SF3B1: variants seen among roughly 807,000 people sequenced by gnomAD.
The protein encoded by SF3B1 is pre-mRNA processing 10.
SF3B1 carries 12 observed loss-of-function variants against 153.8 expected under a neutral mutation model. The observed-to-expected ratio is 0.08, with a 90% CI of 0.05 to 0.13. The LOEUF is 0.13. Among genes scored for constraint, SF3B1 ranks in the 10% least tolerant of loss-of-function variants. The pLI is 1.00. For missense variants in SF3B1, 513 were observed against 1,606.1 expected, an observed-to-expected ratio of 0.32 and a Z score of 11.63; for synonymous variants, 498 against 525.2, an observed-to-expected ratio of 0.95 and a Z score of 0.71.
intron 23 of SF3B1, among the ~76,000 whole-genome samples, chr2:197,395,206 A>G (rs1000044158): frequency 6.6e-6 from 1 of 152,188 alleles, no homozygotes; most frequent in Non-Finnish European, 1.5e-5. Flanking sequence ...ACTTCTCACT[A>G]AGGAATACAG....
At chr2:197,393,327 T>C (rs2084835409) in intron 23 of SF3B1, 139 bp from the exon 24 acceptor site, 8 of 644,678 alleles carry the variant, frequency 1.2e-5, no homozygotes, top group South Asian at 9.5e-5. Flanking sequence ...GTGCACTGAA[T>C]AGATGTGAAG....
chr2:197,398,157 G>A (rs1553563685), intron 21 of SF3B1, 41 bp from the exon 22 acceptor site: 1 of 1,528,858 alleles, frequency 6.5e-7, no homozygotes, highest in South Asian at 1.2e-5. Flanking sequence ...GTGACATTAA[G>A]AAAAGTTTTA....
rs532851354 is a variant in SF3B1, at chr2:197,395,155, G to A, written c.3539+901C>T. ...AGTACACAGAAAAAAGTTTTTAACTGCAGGTGACATACATTAATGACTGCA... is the reference window on the plus strand; with the variant it reads ...AGTACACAGAAAAAAGTTTTTAACTACAGGTGACATACATTAATGACTGCA... On this transcript the variant is annotated intron_variant, in intron 23 of 24. Coordinates refer to ENST00000335508, the MANE Select transcript of SF3B1 (RefSeq NM_012433.4). Among the ~76,000 whole-genome samples the A allele has an allele frequency of 9.2e-4, 140 of 152,224 alleles. 1 individual carries two copies. The highest frequency in any genetic ancestry group is 3.2e-3 in the African/African-American group (133 of 41,548).
chr2:197,411,829 G>A (rs2085072881), intron 6 of SF3B1, among the ~76,000 whole-genome samples: 1 of 152,094 alleles, frequency 6.6e-6, no homozygotes, highest in African/African-American at 2.4e-5. Context: ...TGGGCATGGT[G>A]GTTCATGCCT....
At chr2:197,426,281 C>G (rs955753363) in intron 1 of SF3B1, among the ~76,000 whole-genome samples, 6 of 151,884 alleles carry the variant, frequency 4.0e-5, no homozygotes, top group South Asian at 2.1e-4. Context: ...ACTCCCACCC[C>G]CTTCGGGCAT....
At position 197,390,591 on chromosome 2, in the gene SF3B1, A is replaced by G. The variant is rs2084799541; in HGVS notation, c.*1712T>C. The G allele has an allele frequency of 6.7e-6, 1 of 150,034 alleles. No individual in the cohort carries two copies. Among genetic ancestry groups the G allele is most frequent in the African/African-American group, 2.5e-5 (1 of 40,506 alleles). 9.3% of individuals were successfully genotyped at this position (150,034 alleles called of 1,614,324 possible). ...AACTTGGAAACCCTTAATGCTCACT[A>G]TCAATTTGTTGAAAGTCAATTTTTT... On this transcript the variant is annotated 3_prime_UTR_variant, in exon 25 of 25. Transcript: ENST00000335508.
intron 3 of SF3B1, 25 bp downstream of exon 3, chr2:197,421,004 C>T: frequency 2.8e-6 from 4 of 1,440,134 alleles, no homozygotes; most frequent in Non-Finnish European, 3.9e-6. Context: ...GCTGAATAAA[C>T]TATGCTTTTA....
intron 9 of SF3B1, 92 bp downstream of exon 9, chr2:197,407,906 G>C (rs1317818281): frequency 5.5e-6 from 6 of 1,100,860 alleles, no homozygotes; most frequent in Non-Finnish European, 5.4e-6. Flanking sequence ...TAGTAAATTT[G>C]GGCAAAGCCA....
rs763802166 is a variant in SF3B1, at chr2:197,403,054, A to G, written c.1720-19T>C. 6 of 1,537,502 alleles carry G rather than the reference A, an allele frequency of 3.9e-6. No homozygotes were observed. In the East Asian group the frequency reaches 1.3e-4, roughly 35 times the overall value. ...CGAGGATCTGAAAAAGAGAAAAGAG[A>G]AGAAGCTACACTTTCACATCAATTA... is the stretch of plus-strand genomic sequence containing the variant. On this transcript the variant is annotated intron_variant, in intron 12 of 24. Coordinates refer to ENST00000335508, the MANE Select transcript of SF3B1 (RefSeq NM_012433.4).
At position 197,401,252 on chromosome 2, in the gene SF3B1, GCTGA is replaced by G. The variant is rs1481933376; in HGVS notation, c.2496+144_2496+147del. On this transcript the variant is annotated intron_variant, in intron 17 of 24. Coordinates refer to ENST00000335508, the MANE Select transcript of SF3B1 (RefSeq NM_012433.4). This position sits in a 1 kb window ranked among gnomAD's most constrained non-coding sequence, Gnocchi z 4.2. ...CCAAAATCAAAATGGAAGTTAACTG[GCTGA>G]CTAAAATCCATCTCCTTTCATAATC... The G allele has an allele frequency of 5.3e-6, 4 of 757,322 alleles. No homozygotes were observed. Among genetic ancestry groups the G allele is most frequent in the South Asian group, 3.7e-5 (2 of 54,046 alleles). 46.9% of individuals were successfully genotyped at this position (757,322 alleles called of 1,614,324 possible). A position where few individuals can be genotyped will look rare whatever the true frequency, so the allele number is the denominator to read the frequency against.
chr2:197,399,285 C>T (rs189392280), intron 20 of SF3B1, among the ~76,000 whole-genome samples: 98 of 152,216 alleles, frequency 6.4e-4, no homozygotes, highest in African/African-American at 2.2e-3. Flanking sequence ...ACATGTGTAT[C>T]GCATAAATAC....
rs1320559120 is a variant in SF3B1 at position 197,402,306 on chromosome 2, A to G, written c.2078-176T>C. 1.1e-5 allele frequency: 8 copies of G among 758,168 alleles called. No homozygotes were observed. The highest frequency in any genetic ancestry group is 1.7e-5 in the Non-Finnish European group (8 of 480,834). The allele number at this position is 758,168 out of a possible 1,614,324, so 47.0% of individuals were successfully genotyped here. A position where few individuals can be genotyped will look rare whatever the true frequency, so the allele number is the denominator to read the frequency against. On this transcript the variant is annotated intron_variant, in intron 14 of 24. Transcript: ENST00000335508. This position sits in a 1 kb window ranked among gnomAD's most constrained non-coding sequence, Gnocchi z 4.6. ...AGCCTGTCAGCAGATAATATAACAAACCCATCATAAAATCTATAGTTTGTA... is the reference window on the plus strand; with the variant it reads ...AGCCTGTCAGCAGATAATATAACAAGCCCATCATAAAATCTATAGTTTGTA...
intron 2 of SF3B1, among the ~76,000 whole-genome samples, chr2:197,422,488 T>A (rs945187012): frequency 2.3e-4 from 35 of 152,136 alleles, no homozygotes; most frequent in African/African-American, 8.0e-4. Context: ...CACACCAGTA[T>A]GGCACATGTA....
Position 197,392,954 on chromosome 2 carries a change from A to G in SF3B1, c.3756+18T>C. Reference sequence around the variant, plus strand: ...AAAAAAAAAAAATCACCGATTAAAAAAAAAATCTTTAACTTACCTGTAAAC... The same window carrying G: ...AAAAAAAAAAAATCACCGATTAAAAGAAAAATCTTTAACTTACCTGTAAAC... On this transcript the variant is annotated intron_variant, in intron 24 of 24. Coordinates refer to ENST00000335508, the MANE Select transcript of SF3B1 (RefSeq NM_012433.4). 2 of 1,494,948 alleles carry G rather than the reference A, an allele frequency of 1.3e-6. No homozygotes were observed. Among genetic ancestry groups the G allele is most frequent in the South Asian group, 2.4e-5 (2 of 82,858 alleles). The allele number at this position is 1,494,948 out of a possible 1,614,324, so 92.6% of individuals were successfully genotyped here.
chr2:197,416,529 T>A (rs1352054826), intron 6 of SF3B1: 1 of 476,830 alleles, frequency 2.1e-6, no homozygotes, highest in Non-Finnish European at 3.7e-6. Context: ...AAAGGCCATG[T>A]GAGGACACAG....
intron 2 of SF3B1, among the ~76,000 whole-genome samples, chr2:197,422,783 G>A (rs1161084493): frequency 1.3e-5 from 2 of 151,966 alleles, no homozygotes; most frequent in African/African-American, 4.8e-5. Flanking sequence ...CCAGCTACTC[G>A]GGAGGCTGAG....
chr2:197,428,361 G>A (rs552781162), intron 1 of SF3B1, among the ~76,000 whole-genome samples: 3 of 152,148 alleles, frequency 2.0e-5, no homozygotes, highest in South Asian at 4.1e-4. Context: ...ATCTGTAGAA[G>A]TAATTAAAAG....
rs1011771707 is a variant in SF3B1, at chr2:197,390,592, T to C, written c.*1711A>G. On this transcript the variant is annotated 3_prime_UTR_variant, in exon 25 of 25. Transcript: ENST00000335508. The stretch of plus-strand genomic sequence containing the variant: ...ACTTGGAAACCCTTAATGCTCACTA[T>C]CAATTTGTTGAAAGTCAATTTTTTT... The C allele has an allele frequency of 6.7e-6, 1 of 149,600 alleles. No homozygotes were observed. The highest frequency in any genetic ancestry group is 1.5e-5 in the Non-Finnish European group (1 of 67,830). 9.3% of individuals were successfully genotyped at this position (149,600 alleles called of 1,614,324 possible). A position where few individuals can be genotyped will look rare whatever the true frequency, so the allele number is the denominator to read the frequency against.
intron 21 of SF3B1, 133 bp from the exon 22 acceptor site, chr2:197,398,249 G>A: frequency 2.3e-6 from 2 of 863,938 alleles, no homozygotes; most frequent in East Asian, 2.5e-5. Flanking sequence ...CTTCAGAAAG[G>A]CTGAAGAGTT....
Sources: allele counts gnomAD v4.1 joint callset (sites outside exome capture counted in the v4.1 genomes callset), GRCh38; gene constraint gnomAD v4.1.1; non-coding constraint Gnocchi (gnomAD v3.1); transcripts MANE v1.5; gene names NCBI Gene and HGNC (gene_info 2026-07-23, HGNC 2026-07-21).